The following EPHA6 variants were observed in gnomAD, a reference collection of about 807,000 sequenced individuals.
EPHA6 encodes the protein ephrin type-A receptor 6.
A neutral mutation model predicts 112.0 loss-of-function variants in EPHA6; 50 were observed. That is an observed-to-expected ratio of 0.45 (90% confidence interval 0.36 to 0.56). The LOEUF is 0.56. EPHA6 is among the 20% of genes least tolerant of loss of function. The probability of loss-of-function intolerance (pLI) is 0.00; values close to 1 mark genes in which losing one functional copy is unlikely to be tolerated. For missense variants in EPHA6, 1,280 were observed against 1,417.4 expected, an observed-to-expected ratio of 0.90 and a Z score of 1.56; for synonymous variants, 529 against 490.7, an observed-to-expected ratio of 1.08 and a Z score of -1.03.
At chr3:97,127,950 T>C (rs2048228665) in intron 3 of EPHA6, among the ~76,000 whole-genome samples, 2 of 152,094 alleles carry the variant, frequency 1.3e-5, no homozygotes, top group Admixed American at 6.5e-5. Context: ...TCTGAGATTT[T>C]AGTGCACCCA....
At chr3:97,141,297 CT>C (rs1349018240) in intron 3 of EPHA6, among the ~76,000 whole-genome samples, 1 of 151,986 alleles carries the variant, frequency 6.6e-6, no homozygotes, top group Non-Finnish European at 1.5e-5. Flanking sequence ...AACAAAGGGC[CT>C]CTGGACTTAA....
chr3:97,278,466 C>T (rs1194258794), intron 5 of EPHA6, among the ~76,000 whole-genome samples: 1 of 152,078 alleles, frequency 6.6e-6, no homozygotes, highest in African/African-American at 2.4e-5. Flanking sequence ...CATTATAAGC[C>T]TTTGCGTTTT....
At chr3:96,861,753 C>T (rs1337935789) in intron 1 of EPHA6, among the ~76,000 whole-genome samples, 12 of 151,962 alleles carry the variant, frequency 7.9e-5, no homozygotes, top group South Asian at 6.2e-4. Context: ...CACAACAAAA[C>T]AAAATGCTGT....
chr3:97,507,099 T>A (rs1029404836), intron 10 of EPHA6, among the ~76,000 whole-genome samples: 2 of 152,214 alleles, frequency 1.3e-5, no homozygotes, highest in Admixed American at 1.3e-4. Flanking sequence ...TATACAATCA[T>A]GTCATCTGCA....
chr3:97,027,134 TG>T (rs2108002116), intron 3 of EPHA6, among the ~76,000 whole-genome samples: 1 of 152,308 alleles, frequency 6.6e-6, no homozygotes, highest in East Asian at 1.9e-4. Context: ...TTATGTTCTT[TG>T]CAAGGATTTG....
intron 3 of EPHA6, among the ~76,000 whole-genome samples, chr3:97,077,639 C>T (rs1170564202): frequency 2.6e-5 from 4 of 151,292 alleles, no homozygotes; most frequent in East Asian, 2.0e-4. Flanking sequence ...TGAGAACATG[C>T]GCTGTCTGGT....
chr3:97,114,340 G>T (rs1054895720), intron 3 of EPHA6, among the ~76,000 whole-genome samples: 1 of 151,886 alleles, frequency 6.6e-6, no homozygotes, highest in African/African-American at 2.4e-5. Context: ...TTATATTTAA[G>T]GACTTTTAAT....
intron 11 of EPHA6, among the ~76,000 whole-genome samples, chr3:97,560,772 T>C (rs183952763): frequency 2.9e-3 from 436 of 152,170 alleles, no homozygotes; most frequent in Middle Eastern, 6.8e-3. Context: ...CTCATTTTTA[T>C]TGCATGCTTC....
rs571231736 is a variant in EPHA6, at chr3:96,928,745, G to A, written c.451-58585G>A. Among the ~76,000 whole-genome samples, 8 of 152,186 alleles carry A rather than the reference G, an allele frequency of 5.3e-5. No homozygotes were observed. The South Asian group carries it at 1.7e-3, about 32-fold the overall frequency. On this transcript the variant is annotated intron_variant, in intron 2 of 17. Coordinates refer to ENST00000389672, the MANE Select transcript of EPHA6 (RefSeq NM_001080448.3). ...GTAAAGTCTCCCACTATTATTGTGT[G>A]GGAGTCTAAGTCTCTTTGAAGGTCT...
chr3:96,893,137 T>C (rs367694559), intron 2 of EPHA6, among the ~76,000 whole-genome samples: 2 of 152,174 alleles, frequency 1.3e-5, no homozygotes, highest in African/African-American at 4.8e-5. Flanking sequence ...CTCCTGTATT[T>C]GTGGTGATGC....
intron 3 of EPHA6, among the ~76,000 whole-genome samples, chr3:97,046,938 A>C (rs2045528034): frequency 6.6e-6 from 1 of 152,168 alleles, no homozygotes; most frequent in African/African-American, 2.4e-5. Flanking sequence ...AGAATTGTCT[A>C]AATGACTAAT....
At chr3:97,672,398 T>A (rs547330719) in intron 14 of EPHA6, among the ~76,000 whole-genome samples, 1 of 152,116 alleles carries the variant, frequency 6.6e-6, no homozygotes, top group African/African-American at 2.4e-5. Context: ...TTCTGAAAAA[T>A]TAGTGGTTTT....
intron 11 of EPHA6, among the ~76,000 whole-genome samples, chr3:97,535,105 G>A (rs1286660586): frequency 1.3e-5 from 2 of 151,616 alleles, no homozygotes; most frequent in Non-Finnish European, 2.9e-5. Context: ...TGAAATAGTG[G>A]GAATCATTTA....
At chr3:97,705,423 T>A (rs1206682593) in intron 14 of EPHA6, among the ~76,000 whole-genome samples, 1 of 152,120 alleles carries the variant, frequency 6.6e-6, no homozygotes, top group East Asian at 1.9e-4. Context: ...TCTCATGGCA[T>A]CATTTAGAAA....
chr3:97,635,069 C>T (rs1319603724), intron 13 of EPHA6, among the ~76,000 whole-genome samples: 1 of 151,676 alleles, frequency 6.6e-6, no homozygotes, highest in East Asian at 1.9e-4. Context: ...GAGTTTTGTA[C>T]CATTTGTGCA....
At chr3:96,982,210 C>T (rs1165067383) in intron 2 of EPHA6, among the ~76,000 whole-genome samples, 1 of 152,180 alleles carries the variant, frequency 6.6e-6, no homozygotes, top group Non-Finnish European at 1.5e-5. Flanking sequence ...AAATTTCCCT[C>T]TGCACACTGC....
At chr3:96,990,181 T>C (rs560624967) in intron 3 of EPHA6, among the ~76,000 whole-genome samples, 1 of 152,338 alleles carries the variant, frequency 6.6e-6, no homozygotes, top group East Asian at 1.9e-4. Context: ...TTATGGCATT[T>C]ACCACAGAAT....
At chr3:97,455,955 A>G (rs1156940147) in intron 7 of EPHA6, among the ~76,000 whole-genome samples, 1 of 152,110 alleles carries the variant, frequency 6.6e-6, no homozygotes, top group Non-Finnish European at 1.5e-5. Flanking sequence ...GAAGACCTTA[A>G]TATGAAAAAT....
At chr3:97,662,431 A>G (rs974150522) in intron 14 of EPHA6, among the ~76,000 whole-genome samples, 2 of 152,132 alleles carry the variant, frequency 1.3e-5, no homozygotes, top group Non-Finnish European at 2.9e-5. Flanking sequence ...AGGCCCAGTC[A>G]CAGACCCTGT....
Sources: gnomAD v4.1 joint callset for allele counts (sites outside exome capture counted in the v4.1 genomes callset) on GRCh38, gnomAD v4.1.1 for gene constraint, MANE v1.5 for transcripts, NCBI Gene and HGNC (gene_info 2026-07-23, HGNC 2026-07-21) for gene names.